PARG: variants seen among roughly 807,000 people sequenced by gnomAD.
PARG encodes poly(ADP-ribose) glycohydrolase, also known as mitochondrial poly(ADP-ribose) glycohydrolase.
Under a neutral mutation model 113.0 loss-of-function variants are expected in PARG, and 35 were observed. The observed-to-expected ratio is 0.31, with a 90% confidence interval of 0.24 to 0.41. The LOEUF is 0.41. Ranked by LOEUF, PARG falls within the 10% of genes least tolerant of loss-of-function variation. The probability of loss-of-function intolerance (pLI) is 1.00; values close to 1 mark genes in which losing one functional copy is unlikely to be tolerated. For synonymous variants in PARG, 330 were observed against 409.9 expected, an observed-to-expected ratio of 0.81 and a Z score of 2.36; for missense variants, 797 against 1,169.4, an observed-to-expected ratio of 0.68 and a Z score of 4.64.
At chr10:49,843,885 C>T (rs914219170) in intron 13 of PARG, among the ~76,000 whole-genome samples, 6 of 152,316 alleles carry the variant, frequency 3.9e-5, no homozygotes, top group South Asian at 4.1e-4. Flanking sequence ...AGAGGCCAGG[C>T]GCAGTGGCTC....
At chr10:49,850,011 G>A (rs1232463121) in intron 13 of PARG, among the ~76,000 whole-genome samples, 1 of 151,620 alleles carries the variant, frequency 6.6e-6, no homozygotes, top group African/African-American at 2.4e-5. Flanking sequence ...GAGATCCTGT[G>A]TCTAAAAAAA....
rs1838607051 is a variant in PARG at position 49,933,730 on chromosome 10, A to G, written c.718T>C (p.Ser240Pro). ...EAKSHQKCSK[S>P]CDPGEDCASC... ...GCACAGTCTTCCCCAGGATCGCAAG[A>G]CTTGCTGCACTTCTGGTGGCTTTTG... Residue 240 changes from serine (S) to proline (P), a missense_variant, in exon 3 of 18, where the codon TCT becomes CCT. This residue lies in a region of PARG where 284 missense variants were observed against 306.1 expected (regional missense o/e 0.93). Transcript: ENST00000616448. The G allele has an allele frequency of 2.0e-5, 32 of 1,612,506 alleles. No individual in the cohort carries two copies. The highest frequency in any genetic ancestry group is 2.6e-5 in the Non-Finnish European group (31 of 1,178,566).
At chr10:49,894,666 T>C (rs1442244647) in intron 7 of PARG, among the ~76,000 whole-genome samples, 6 of 152,218 alleles carry the variant, frequency 3.9e-5, no homozygotes. Context: ...GGCACTTTTG[T>C]TGAAAACCAA....
chr10:49,877,177 A>G (rs1443828871), intron 9 of PARG, among the ~76,000 whole-genome samples: 1 of 150,284 alleles, frequency 6.7e-6, no homozygotes, highest in Non-Finnish European at 1.5e-5. Flanking sequence ...TTCATCTGCT[A>G]AACACACAAT....
intron 2 of PARG, among the ~76,000 whole-genome samples, chr10:49,934,413 C>T (rs1838643274): frequency 6.6e-6 from 1 of 151,932 alleles, no homozygotes; most frequent in African/African-American, 2.4e-5. Context: ...CCTTTAGGGA[C>T]CAAAGGTAAA....
At chr10:49,887,214 A>G (rs1847538259) in intron 7 of PARG, among the ~76,000 whole-genome samples, 1 of 152,090 alleles carries the variant, frequency 6.6e-6, no homozygotes, top group Non-Finnish European at 1.5e-5. Context: ...TGCTTTTTAA[A>G]ACTATGTATT....
chr10:49,926,155 A>C (rs1321150197), intron 4 of PARG, among the ~76,000 whole-genome samples: 1 of 152,256 alleles, frequency 6.6e-6, no homozygotes, highest in East Asian at 1.9e-4. Context: ...GTGAGCTGGT[A>C]TTGATAATGC....
chr10:49,895,107 A>G (rs1554842420), intron 7 of PARG, among the ~76,000 whole-genome samples: 1 of 152,172 alleles, frequency 6.6e-6, no homozygotes, highest in African/African-American at 2.4e-5. Context: ...CCTCATCTTA[A>G]CTAGTTACAT....
At chr10:49,840,952 A>G (rs1554832150) in intron 15 of PARG, among the ~76,000 whole-genome samples, 1 of 152,194 alleles carries the variant, frequency 6.6e-6, no homozygotes, top group Non-Finnish European at 1.5e-5. Context: ...TAATTTGTGG[A>G]ACTAAAGAAA....
chr10:49,874,376 T>TA (rs1428023548), intron 9 of PARG, among the ~76,000 whole-genome samples: 1 of 152,058 alleles, frequency 6.6e-6, no homozygotes, highest in African/African-American at 2.4e-5. Flanking sequence ...TCCCTTCATT[T>TA]AAAAAAATGG....
chr10:49,911,547 G>A (rs1297099028), intron 7 of PARG, among the ~76,000 whole-genome samples: 2 of 152,196 alleles, frequency 1.3e-5, no homozygotes, highest in Non-Finnish European at 2.9e-5. Context: ...CCCTGAAGTT[G>A]CAGAAAACAC....
chr10:49,881,928 A>G (rs1461099773), intron 8 of PARG, among the ~76,000 whole-genome samples: 1 of 152,188 alleles, frequency 6.6e-6, no homozygotes, highest in Non-Finnish European at 1.5e-5. Flanking sequence ...CCAAGCAACG[A>G]GTTTAGAAAA....
At chr10:49,925,504 T>C (rs1358103362) in intron 4 of PARG, among the ~76,000 whole-genome samples, 1 of 152,238 alleles carries the variant, frequency 6.6e-6, no homozygotes, top group African/African-American at 2.4e-5. Flanking sequence ...TATACCTCTC[T>C]AATACATATA....
At chr10:49,826,758 A>G (rs928610128) in intron 16 of PARG, among the ~76,000 whole-genome samples, 3 of 152,162 alleles carry the variant, frequency 2.0e-5, no homozygotes, top group South Asian at 2.1e-4. Context: ...AGTAATCCCA[A>G]TTGGTCAAAT....
chr10:49,858,234 G>A (rs1431689285), intron 12 of PARG, among the ~76,000 whole-genome samples: 132 of 108,410 alleles, frequency 1.2e-3, no homozygotes, highest in Admixed American at 2.1e-3. Context: ...CATTATTTCC[G>A]TTTGTCCAGT....
At chr10:49,876,595 T>A (rs1468178882) in intron 9 of PARG, among the ~76,000 whole-genome samples, 1 of 152,204 alleles carries the variant, frequency 6.6e-6, no homozygotes, top group Non-Finnish European at 1.5e-5. Context: ...AGCAAACCTA[T>A]CCTAGCAGAA....
chr10:49,899,986 G>A (rs1473954058), intron 7 of PARG, among the ~76,000 whole-genome samples: 1 of 151,988 alleles, frequency 6.6e-6, no homozygotes, highest in Non-Finnish European at 1.5e-5. Flanking sequence ...GAAATAACCT[G>A]CAGTTGTCCT....
intron 9 of PARG, among the ~76,000 whole-genome samples, chr10:49,877,335 T>G (rs1846993089): frequency 1.3e-5 from 2 of 151,544 alleles, no homozygotes; most frequent in South Asian, 4.2e-4. Flanking sequence ...GGGCTGACAC[T>G]CTGATATTGG....
rs1838607659 is a variant in PARG at position 49,933,733 on chromosome 10, T to G, written c.715A>C (p.Lys239Gln). The G allele has an allele frequency of 6.2e-7, 1 of 1,612,534 alleles. No homozygotes were observed. The highest frequency in any genetic ancestry group is 1.1e-5 in the South Asian group (1 of 91,064). Residue 239 changes from lysine (K) to glutamine (Q), a missense_variant, in exon 3 of 18, where the codon AAG becomes CAG. Lys to Gln is a moderately conservative substitution (Grantham distance 53). Coordinates refer to ENST00000616448, the MANE Select transcript of PARG (RefSeq NM_003631.5). ...REAKSHQKCS[K>Q]SCDPGEDCAS... ...CAGTCTTCCCCAGGATCGCAAGACT[T>G]GCTGCACTTCTGGTGGCTTTTGGCT... is the stretch of plus-strand genomic sequence containing the variant.
Sources: gnomAD v4.1 joint callset for allele counts (sites outside exome capture counted in the v4.1 genomes callset) on GRCh38, gnomAD v4.1.1 for gene constraint, gnomAD v4.1.1 regional missense constraint, MANE v1.5 for transcripts, NCBI Gene and HGNC (gene_info 2026-07-23, HGNC 2026-07-21) for gene names.